The following TYW1B variants were observed in gnomAD, a reference collection of about 807,000 sequenced individuals.
TYW1B encodes the protein tRNA-yW synthesizing protein 1 homolog B.
A neutral mutation model predicts 86.9 loss-of-function variants in TYW1B; 73 were observed. The observed-to-expected ratio is 0.84, with a 90% CI of 0.70 to 1.02. The LOEUF is 1.02. TYW1B is among the 50% of genes least tolerant of loss of function. The probability of loss-of-function intolerance (pLI) is 0.00; values close to 1 mark genes in which losing one functional copy is unlikely to be tolerated. For synonymous variants in TYW1B, 248 were observed against 292.8 expected (o/e 0.85, Z 1.56); for missense variants, 637 against 827.4 (o/e 0.77, Z 2.82).
chr7:72,721,606 T>TCACA (rs530269832), intron 9 of TYW1B, among the ~76,000 whole-genome samples: 5 of 150,146 alleles, frequency 3.3e-5, no homozygotes, highest in Admixed American at 1.3e-4. Context: ...TATCTCACAC[T>TCACA]CACACACACA....
intron 6 of TYW1B, among the ~76,000 whole-genome samples, chr7:72,797,282 C>T (rs1788320883): frequency 6.6e-6 from 1 of 152,164 alleles, no homozygotes; most frequent in South Asian, 2.1e-4. Flanking sequence ...GGAGATTGAG[C>T]TTAATCAACT....
intron 8 of TYW1B, among the ~76,000 whole-genome samples, chr7:72,733,021 C>T (rs1442325863): frequency 6.6e-6 from 1 of 152,064 alleles, no homozygotes; most frequent in Non-Finnish European, 1.5e-5. Flanking sequence ...CCTGTACACA[C>T]ACAACCTACC....
chr7:72,701,315 G>A (rs1554452521), intron 10 of TYW1B, among the ~76,000 whole-genome samples: 2 of 151,416 alleles, frequency 1.3e-5, no homozygotes, highest in Non-Finnish European at 2.9e-5. Flanking sequence ...CCAGGCTGGA[G>A]TGCAGTCGCA....
chr7:72,698,300 C>A (rs181527113), intron 10 of TYW1B, among the ~76,000 whole-genome samples: 1 of 152,094 alleles, frequency 6.6e-6, no homozygotes, highest in Admixed American at 6.6e-5. Context: ...ATTTTAGAGA[C>A]GATGAAGCTG....
intron 10 of TYW1B, among the ~76,000 whole-genome samples, chr7:72,712,663 T>G (rs1554455005): frequency 6.6e-6 from 1 of 152,120 alleles, no homozygotes; most frequent in Non-Finnish European, 1.5e-5. Context: ...TCATTCACAT[T>G]GACTTGCTTC....
intron 6 of TYW1B, among the ~76,000 whole-genome samples, chr7:72,801,259 G>C (rs2129572488): frequency 6.6e-6 from 1 of 152,136 alleles, no homozygotes. Context: ...AACCCAGGAG[G>C]CAGAGGTTGC....
intron 7 of TYW1B, among the ~76,000 whole-genome samples, chr7:72,776,145 C>T (rs1271870382): frequency 6.6e-6 from 1 of 151,478 alleles, no homozygotes; most frequent in East Asian, 1.9e-4. Context: ...AGACCCGACT[C>T]AACCAAAAAA....
chr7:72,640,167 A>G (rs571847051), intron 11 of TYW1B, among the ~76,000 whole-genome samples: 1 of 152,236 alleles, frequency 6.6e-6, no homozygotes, highest in South Asian at 2.1e-4. Context: ...AAGCAAAAAA[A>G]TAGAGAAAAA....
rs552983053 is a variant in TYW1B at position 72,735,633 on chromosome 7, G to T, written c.1083-6702C>A. Among the ~76,000 whole-genome samples the T allele has an allele frequency of 1.2e-3, 176 of 151,422 alleles. 1 individual carries two copies. Among genetic ancestry groups the T allele is most frequent in the Non-Finnish European group, 2.2e-3 (149 of 67,954 alleles). On this transcript the variant is annotated intron_variant, in intron 8 of 13. Transcript: ENST00000620995. ...GCCTGTAATCCCAGGACTTTGGAAG[G>T]CCAAGGGAGGCAGATCACCTGAGGT... is the stretch of plus-strand genomic sequence containing the variant.
intron 13 of TYW1B, among the ~76,000 whole-genome samples, chr7:72,613,227 G>A (rs1811979441): frequency 6.6e-6 from 1 of 152,004 alleles, no homozygotes; most frequent in Non-Finnish European, 1.5e-5. Context: ...TGGCTGGTAG[G>A]CCCAATCTGG....
chr7:72,738,912 A>T (rs1563077554), intron 8 of TYW1B, among the ~76,000 whole-genome samples: 2 of 148,090 alleles, frequency 1.4e-5, no homozygotes, highest in African/African-American at 2.5e-5. Context: ...CTCTATCAAA[A>T]AAAAAAAAAA....
intron 8 of TYW1B, among the ~76,000 whole-genome samples, chr7:72,741,761 A>G (rs1421078226): frequency 6.6e-6 from 1 of 152,220 alleles, no homozygotes; most frequent in African/African-American, 2.4e-5. Context: ...CTCATCACGT[A>G]TAAGGGATCC....
At chr7:72,801,017 G>C (rs1243208703) in intron 6 of TYW1B, among the ~76,000 whole-genome samples, 1 of 152,118 alleles carries the variant, frequency 6.6e-6, no homozygotes, top group African/African-American at 2.4e-5. Flanking sequence ...GTAGGTTTAA[G>C]ACATTTCTTT....
Position 72,726,362 on chromosome 7 carries a change from T to A in TYW1B, c.1192+2460A>T, listed in dbSNP as rs782656821. ...GAATAAAAGTATAATTATTGACTAA[T>A]TTTTTTTGTTTTTTTTGAGATGGAG... On this transcript the variant is annotated intron_variant, in intron 9 of 13. Transcript: ENST00000620995. Among the ~76,000 whole-genome samples, 1,047 of 139,896 alleles carry A rather than the reference T, an allele frequency of 7.5e-3. 18 individuals carry two copies. Among genetic ancestry groups the A allele is most frequent in the African/African-American group, 0.026 (1,019 of 39,186 alleles). 91.8% of individuals were successfully genotyped at this position (139,896 alleles called of 152,430 possible).
chr7:72,685,490 C>A (rs3015925), intron 11 of TYW1B, among the ~76,000 whole-genome samples: 6 of 151,054 alleles, frequency 4.0e-5, no homozygotes, highest in Admixed American at 1.3e-4. Flanking sequence ...AGAATACAGC[C>A]CAGGAAAAGA....
chr7:72,669,134 CTTTTTTTTTT>C (rs781821639), intron 11 of TYW1B, among the ~76,000 whole-genome samples: 1 of 81,522 alleles, frequency 1.2e-5, no homozygotes, highest in Non-Finnish European at 2.2e-5. Flanking sequence ...TAATTTTAAA[CTTTTTTTTTT>C]TTTTTTTTTT....
chr7:72,727,226 G>A (rs1426987647), intron 9 of TYW1B, among the ~76,000 whole-genome samples: 7 of 152,138 alleles, frequency 4.6e-5, no homozygotes, highest in African/African-American at 1.7e-4. Flanking sequence ...TCTTCAGAAT[G>A]CTAATTACTG....
chr7:72,724,449 G>C (rs1554458268), intron 9 of TYW1B, among the ~76,000 whole-genome samples: 1 of 151,958 alleles, frequency 6.6e-6, no homozygotes, highest in Non-Finnish European at 1.5e-5. Context: ...CTCCAGCCTG[G>C]GCAACAGAGT....
rs782256756 is a variant in TYW1B, at chr7:72,828,099, T to C, written c.-24A>G. ...ATCCTCCTCAGAGCCGACAGGAGAC[T>C]AGGATCTCGGACCTGGAGAGCCCAA... On this transcript the variant is annotated 5_prime_UTR_variant, in exon 1 of 14. Coordinates refer to ENST00000620995, the MANE Select transcript of TYW1B (RefSeq NM_001145440.3). 1.2e-6 allele frequency: 2 copies of C among 1,613,800 alleles called. No individual in the cohort carries two copies. Among genetic ancestry groups the C allele is most frequent in the Non-Finnish European group, 1.7e-6 (2 of 1,179,884 alleles).
Sources: allele counts gnomAD v4.1 joint callset (sites outside exome capture counted in the v4.1 genomes callset), GRCh38; gene constraint gnomAD v4.1.1; transcripts MANE v1.5; gene names NCBI Gene and HGNC (gene_info 2026-07-23, HGNC 2026-07-21).